The following RBL1 variants were observed in gnomAD, a reference collection of about 807,000 sequenced individuals.
RBL1 encodes the protein RB transcriptional corepressor like 1.
In RBL1, 82 loss-of-function variants were observed where a neutral mutation model predicts 123.0. The observed-to-expected ratio is 0.67, with a 90% CI of 0.56 to 0.80. The LOEUF is 0.80. RBL1 is among the 30% of genes least tolerant of loss of function. RBL1 has a pLI of 0.00. For missense variants in RBL1, 1,171 were observed against 1,299.6 expected (o/e 0.90, Z 1.52); for synonymous variants, 405 against 441.3 (o/e 0.92, Z 1.03).
At chr20:37,063,091 T>A (rs879709696) in intron 7 of RBL1, among the ~76,000 whole-genome samples, 47 of 152,294 alleles carry the variant, frequency 3.1e-4, no homozygotes, top group Non-Finnish European at 5.7e-4. Context: ...CTGTTTTTTG[T>A]TTTTAAGACA....
intron 2 of RBL1, among the ~76,000 whole-genome samples, chr20:37,068,896 T>A (rs1023500995): frequency 1.3e-5 from 2 of 152,244 alleles, no homozygotes; most frequent in Non-Finnish European, 2.9e-5. Context: ...CCTCTCATGC[T>A]GAGCCGAAGC....
rs1334152950 is a variant in RBL1 at position 37,035,647 on chromosome 20, A to G, written c.1904-139T>C. ...ATAACATGGCCTTTGCCCTCATGGA[A>G]TATGTAGTCTACTGGGAGAAAGAGG... On this transcript the variant is annotated intron_variant, in intron 14 of 21. Transcript: ENST00000373664. 7.1e-6 allele frequency: 5 copies of G among 704,444 alleles called. No individual in the cohort carries two copies. In the East Asian group the frequency reaches 8.6e-5, roughly 12 times the overall value. 43.6% of individuals were successfully genotyped at this position (704,444 alleles called of 1,614,324 possible).
At chr20:37,053,775 G>C (rs1226423387) in intron 11 of RBL1, among the ~76,000 whole-genome samples, 2 of 152,120 alleles carry the variant, frequency 1.3e-5, no homozygotes, top group Non-Finnish European at 2.9e-5. Context: ...AAGGTTAAAT[G>C]TGAGGATTTA....
intron 12 of RBL1, among the ~76,000 whole-genome samples, chr20:37,045,081 C>CTTACTTACTTACTTATTTAT (rs1555857366): frequency 3.4e-5 from 5 of 146,172 alleles, no homozygotes; most frequent in African/African-American, 1.0e-4. Flanking sequence ...CATTTATTTA[C>CTTACTTACTTACTTATTTAT]TTATTTATTT....
At chr20:37,058,230 T>C (rs1442889407) in intron 9 of RBL1, among the ~76,000 whole-genome samples, 1 of 151,584 alleles carries the variant, frequency 6.6e-6, no homozygotes, top group Non-Finnish European at 1.5e-5. Context: ...TCATGGAATG[T>C]TGGAAAATGG....
In RBL1 at chr20:37,020,695, C is replaced by T. The variant is rs1356778908; in HGVS notation, c.2595G>A (p.Met865Ile). The change falls in exon 18 of 22, where the codon ATG (methionine) becomes ATA (isoleucine). Residue 865 changes from methionine (M) to isoleucine (I), a missense_variant. Transcript: ENST00000373664. ...TKEERTFQEI[M>I]KSYRNQPQAN... is the part of the protein sequence containing the mutation. ...CTTGGGGCTGATTCCTATAACTTTT[C>T]ATAATTTCTTGAAAAGTTCTTTCTT... 1 of 1,588,400 alleles carries T rather than the reference C, an allele frequency of 6.3e-7. No individual in the cohort carries two copies. The highest frequency in any genetic ancestry group is 8.6e-7 in the Non-Finnish European group (1 of 1,165,336).
At chr20:37,008,386 C>T (rs193083860) in intron 19 of RBL1, among the ~76,000 whole-genome samples, 3 of 152,214 alleles carry the variant, frequency 2.0e-5, no homozygotes, top group Admixed American at 2.0e-4. Flanking sequence ...CCTTATTGTA[C>T]CACATACAAC....
chr20:37,019,173 T>C (rs1202364512), intron 18 of RBL1, among the ~76,000 whole-genome samples: 1 of 151,968 alleles, frequency 6.6e-6, no homozygotes, highest in Non-Finnish European at 1.5e-5. Flanking sequence ...CCTCCTTAAC[T>C]GGTGGGATTA....
At chr20:37,013,417 C>T (rs1356977482) in intron 19 of RBL1, among the ~76,000 whole-genome samples, 2 of 151,092 alleles carry the variant, frequency 1.3e-5, no homozygotes, top group Non-Finnish European at 2.9e-5. Flanking sequence ...CATCACCACT[C>T]CCTAATCTCA....
At chr20:37,062,909 G>A (rs1600558586) in intron 7 of RBL1, among the ~76,000 whole-genome samples, 2 of 149,640 alleles carry the variant, frequency 1.3e-5, no homozygotes, top group Admixed American at 6.6e-5. Flanking sequence ...ATGAACCTGG[G>A]AGGCGGAGCT....
intron 14 of RBL1, among the ~76,000 whole-genome samples, chr20:37,038,372 G>A (rs963132032): frequency 1.4e-5 from 2 of 139,226 alleles, no homozygotes; most frequent in African/African-American, 5.4e-5. Context: ...CACGATCTTT[G>A]CTCACTGCAA....
chr20:37,055,641 C>T lies in RBL1; in HGVS notation c.1379G>A (p.Arg460Lys), dbSNP rs2064991726. Reference protein sequence around the residue: ...PGSHIDFAVNRLKLAEILYYK... With the variant: ...PGSHIDFAVNKLKLAEILYYK... ...ATACAAAATTTCTGCCAGCTTTAGT[C>T]TGTTTACAGCAAAGTCTATCAGGGA... The change falls in exon 11 of 22, where the codon AGA becomes AAA. Residue 460 changes from arginine (R) to lysine (K), a missense_variant. By Grantham distance (26) the Arg-to-Lys change is conservative. Coordinates refer to ENST00000373664, the MANE Select transcript of RBL1 (RefSeq NM_002895.5). 1.2e-6 allele frequency: 2 copies of T among 1,611,104 alleles called. No individual in the cohort carries two copies. The highest frequency in any genetic ancestry group is 1.7e-6 in the Non-Finnish European group (2 of 1,178,870).
At chr20:37,055,789 C>A in intron 10 of RBL1, 133 bp from the exon 11 acceptor site, 1 of 915,564 alleles carries the variant, frequency 1.1e-6, no homozygotes, top group Non-Finnish European at 1.6e-6. Flanking sequence ...TGGCTCACGC[C>A]TGTAATCCTA....
chr20:37,084,932 AT>A (rs1484777222), intron 2 of RBL1, among the ~76,000 whole-genome samples: 1 of 151,608 alleles, frequency 6.6e-6, no homozygotes, highest in Non-Finnish European at 1.5e-5. Flanking sequence ...TGCCCGACTA[AT>A]TTTTTGTATT....
chr20:37,023,206 C>G lies in RBL1; in HGVS notation c.2383-380G>C, dbSNP rs146657418. On this transcript the variant is annotated intron_variant, in intron 16 of 21. Coordinates refer to ENST00000373664, the MANE Select transcript of RBL1 (RefSeq NM_002895.5). ...GCACAATCTTGGCTCACTGCAACCT[C>G]TGCCTTCTGCATTCAAGCAATTCTC... is the stretch of plus-strand genomic sequence containing the variant. Among the ~76,000 whole-genome samples, 43 of 152,198 alleles carry G rather than the reference C, an allele frequency of 2.8e-4. No individual in the cohort carries two copies. In the East Asian group the frequency reaches 8.1e-3, roughly 29 times the overall value.
intron 9 of RBL1, among the ~76,000 whole-genome samples, chr20:37,058,333 T>C (rs1299987193): frequency 3.3e-5 from 5 of 151,524 alleles, no homozygotes; most frequent in Admixed American, 6.6e-5. Context: ...CTGGCCAACA[T>C]GGTGAAACCC....
At chr20:37,010,061 T>TA (rs891960744) in intron 19 of RBL1, among the ~76,000 whole-genome samples, 1 of 151,626 alleles carries the variant, frequency 6.6e-6, no homozygotes, top group African/African-American at 2.4e-5. Context: ...AAAAGACATT[T>TA]AAAAAAACAT....
intron 11 of RBL1, among the ~76,000 whole-genome samples, chr20:37,055,148 T>C (rs779403476): frequency 5.3e-5 from 8 of 152,056 alleles, no homozygotes; most frequent in Non-Finnish European, 1.0e-4. Flanking sequence ...ACACATCTTA[T>C]TGGAGACAGT....
At chr20:37,029,904 T>C (rs997688931) in intron 16 of RBL1, among the ~76,000 whole-genome samples, 17 of 152,154 alleles carry the variant, frequency 1.1e-4, no homozygotes, top group African/African-American at 4.1e-4. Flanking sequence ...AAAAGACATA[T>C]ACAGAAAACT....
Sources: allele counts gnomAD v4.1 joint callset (sites outside exome capture counted in the v4.1 genomes callset), GRCh38; gene constraint gnomAD v4.1.1; transcripts MANE v1.5; gene names NCBI Gene and HGNC (gene_info 2026-07-23, HGNC 2026-07-21).